Variants in CRYBG1 observed in about 807,000 individuals in gnomAD.
CRYBG1 encodes beta/gamma crystallin domain-containing protein 1.
CRYBG1 carries 139 observed loss-of-function variants against 189.2 expected under a neutral mutation model. That is an observed-to-expected ratio of 0.73 (90% confidence interval 0.64 to 0.85). CRYBG1 has a LOEUF of 0.85. Ranked by LOEUF, CRYBG1 falls within the 40% of genes least tolerant of loss-of-function variation. The probability of loss-of-function intolerance (pLI) is 0.00; values close to 1 mark genes in which losing one functional copy is unlikely to be tolerated. For missense variants in CRYBG1, 2,611 were observed against 2,675.8 expected (o/e 0.98, Z 0.53); for synonymous variants, 1,023 against 1,017.1 (o/e 1.01, Z -0.11).
In CRYBG1 at chr6:106,512,838, A is replaced by G. The variant is rs771704839; in HGVS notation, c.1721A>G (p.Lys574Arg). 6 of 1,581,526 alleles carry G rather than the reference A, an allele frequency of 3.8e-6. No individual in the cohort carries two copies. The highest frequency in any genetic ancestry group is 4.3e-6 in the Non-Finnish European group (5 of 1,163,850). ...GCCATCCCCCGCGAGCTCCCGGTCA[A>G]GAGCAGCTCGCTGCTGCCGGAGATC... The part of the protein sequence containing the change: ...ARAIPRELPV[K>R]SSSLLPEIKP... Residue 574 changes from lysine (K) to arginine (R), a missense_variant, in exon 3 of 22, where the codon AAG (lysine) becomes AGG (arginine). Lys to Arg is a conservative substitution (Grantham distance 26). Coordinates refer to ENST00000633556, the MANE Select transcript of CRYBG1 (RefSeq NM_001371242.2).
chr6:106,454,775 A>G (rs1771851476), intron 2 of CRYBG1: 1 of 152,220 alleles, frequency 6.6e-6, no homozygotes, highest in Non-Finnish European at 1.5e-5. Flanking sequence ...TTGTAACAAC[A>G]TTTCTTAAAG....
rs551730027 is a variant in CRYBG1 at position 106,410,396 on chromosome 6, A to G, written c.174-41298A>G. Among the ~76,000 whole-genome samples, 16 of 152,346 alleles carry G rather than the reference A, an allele frequency of 1.1e-4. No individual in the cohort carries two copies. The East Asian group carries it at 2.1e-3, about 20-fold the overall frequency. ...ACAACAGATGCTGGAGAGGATGTGG[A>G]GAAATAGGAACACTTTTACACAGTT... On this transcript the variant is annotated intron_variant, in intron 1 of 21. Coordinates refer to ENST00000633556, the MANE Select transcript of CRYBG1 (RefSeq NM_001371242.2).
intron 7 of CRYBG1, 29 bp downstream of exon 7, chr6:106,527,499 T>C (rs1414817906): frequency 6.9e-6 from 11 of 1,589,080 alleles, no homozygotes; most frequent in Admixed American, 1.8e-5. Context: ...GGATTTTATT[T>C]ATTCAGCTAA....
chr6:106,462,357 A>T (rs1038364793), intron 2 of CRYBG1, among the ~76,000 whole-genome samples: 1 of 152,060 alleles, frequency 6.6e-6, no homozygotes, highest in African/African-American at 2.4e-5. Flanking sequence ...TTTTTAGTAG[A>T]GACAGGGTTT....
Position 106,520,897 on chromosome 6 carries a change from G to T in CRYBG1, c.3689G>T (p.Gly1230Val), listed in dbSNP as rs1424746353. Residue 1230 changes from glycine to valine, a missense_variant, in exon 4 of 22, where the codon GGT becomes GTT. Transcript: ENST00000633556. ...NDKENRDVTN[G>V]GIKRSRLEKS... ...AAAGAGAACAGGGACGTCACAAATG[G>T]TGGCATTAAGAGATCGAGACTAGAA... The T allele has an allele frequency of 6.2e-7, 1 of 1,614,158 alleles. No homozygotes were observed. Among genetic ancestry groups the T allele is most frequent in the Non-Finnish European group, 8.5e-7 (1 of 1,180,034 alleles).
Position 106,361,157 on chromosome 6 carries a change from C to G in CRYBG1, c.173+76C>G. ...CTCCTGCTGCGCTAGCCCTTGGACT[C>G]CTGACCCCACTTGGAGGAGGGGAAA... On this transcript the variant is annotated intron_variant, in intron 1 of 21. Coordinates refer to ENST00000633556, the MANE Select transcript of CRYBG1 (RefSeq NM_001371242.2). The G allele has an allele frequency of 9.0e-6, 13 of 1,441,250 alleles. No individual in the cohort carries two copies. In the South Asian group the frequency reaches 1.7e-4, roughly 18 times the overall value. 89.3% of individuals were successfully genotyped at this position (1,441,250 alleles called of 1,614,324 possible).
At chr6:106,516,622 GGCCTCT>G (rs1316666233) in intron 3 of CRYBG1, among the ~76,000 whole-genome samples, 3 of 152,150 alleles carry the variant, frequency 2.0e-5, no homozygotes, top group African/African-American at 7.2e-5. Flanking sequence ...TTATCAAAGT[GGCCTCT>G]AAAGTCTATG....
At chr6:106,466,791 C>A (rs917579795) in intron 2 of CRYBG1, among the ~76,000 whole-genome samples, 1 of 152,096 alleles carries the variant, frequency 6.6e-6, no homozygotes, top group African/African-American at 2.4e-5. Context: ...CAGAAAGGAA[C>A]CTTAGGAAGT....
chr6:106,370,320 A>C (rs1562288100), intron 1 of CRYBG1, among the ~76,000 whole-genome samples: 1 of 152,212 alleles, frequency 6.6e-6, no homozygotes, highest in Non-Finnish European at 1.5e-5. Flanking sequence ...CTGCCCTGAC[A>C]CAGGCAGGAG....
chr6:106,431,632 G>A (rs1169108298), intron 1 of CRYBG1, among the ~76,000 whole-genome samples: 1 of 152,156 alleles, frequency 6.6e-6, no homozygotes, highest in Non-Finnish European at 1.5e-5. Flanking sequence ...TCTACCCGTA[G>A]GTGGACAGAC....
At chr6:106,488,608 G>A (rs12664446) in intron 2 of CRYBG1, among the ~76,000 whole-genome samples, 44,733 of 151,930 alleles carry the variant, frequency 0.29, 7,932 homozygotes, top group East Asian at 0.42. Context: ...GCTATACGCA[G>A]CTCTCTCTGG....
rs73520826 is a variant in CRYBG1, at chr6:106,532,189, T to C, written c.4718+1874T>C. ...TAAGATCATTCAGAATCCTCTCTTC[T>C]AGCTATTTTGAAATATAAAATATAT... is the stretch of plus-strand genomic sequence containing the variant. On this transcript the variant is annotated intron_variant, in intron 8 of 21. Coordinates refer to ENST00000633556, the MANE Select transcript of CRYBG1 (RefSeq NM_001371242.2). Among the ~76,000 whole-genome samples, 437 of 152,302 alleles carry C rather than the reference T, an allele frequency of 2.9e-3. 4 individuals are homozygous for C. The highest frequency in any genetic ancestry group is 0.01 in the African/African-American group (426 of 41,552).
chr6:106,512,929 C>T lies in CRYBG1; in HGVS notation c.1812C>T (p.Ser604=). The part of the protein sequence containing the change: ...HFNGRAEGGR[S]RELGRAAGAP... ...ACGGCCGGGCAGAGGGAGGTCGAAG[C>T]AGAGAGCTGGGCAGAGCGGCCGGAG... Residue 604 remains serine, a synonymous_variant, in exon 3 of 22, where the codon AGC becomes AGT. Coordinates refer to ENST00000633556, the MANE Select transcript of CRYBG1 (RefSeq NM_001371242.2). 9 of 1,609,242 alleles carry T rather than the reference C, an allele frequency of 5.6e-6. No homozygotes were observed. Among genetic ancestry groups the T allele is most frequent in the Non-Finnish European group, 6.8e-6 (8 of 1,178,196 alleles).
intron 1 of CRYBG1, among the ~76,000 whole-genome samples, chr6:106,444,757 T>C (rs931305914): frequency 1.2e-4 from 19 of 152,206 alleles, no homozygotes; most frequent in Non-Finnish European, 2.6e-4. Flanking sequence ...GGAGAGATGA[T>C]TTGCATTCCA....
chr6:106,372,262 C>CT (rs372604997), intron 1 of CRYBG1, among the ~76,000 whole-genome samples: 59 of 147,788 alleles, frequency 4.0e-4, no homozygotes, highest in South Asian at 8.5e-4. Flanking sequence ...TTTGTCATTA[C>CT]TTTTTTTTTT....
At chr6:106,429,476 G>A (rs759214333) in intron 1 of CRYBG1, among the ~76,000 whole-genome samples, 4 of 152,188 alleles carry the variant, frequency 2.6e-5, no homozygotes, top group Non-Finnish European at 5.9e-5. Context: ...GCAAAAGGAT[G>A]CCAAATTGCA....
chr6:106,365,047 T>C (rs931976397), intron 1 of CRYBG1, among the ~76,000 whole-genome samples: 3 of 152,236 alleles, frequency 2.0e-5, no homozygotes, highest in South Asian at 4.1e-4. Context: ...TTTTCTGCTA[T>C]ATAATGAAAG....
At chr6:106,466,798 A>T (rs769398523) in intron 2 of CRYBG1, among the ~76,000 whole-genome samples, 2 of 152,202 alleles carry the variant, frequency 1.3e-5, no homozygotes, top group Non-Finnish European at 2.9e-5. Flanking sequence ...GAACCTTAGG[A>T]AGTAGAATTT....
At chr6:106,517,401 T>TAC (rs199917847) in intron 3 of CRYBG1, among the ~76,000 whole-genome samples, 5 of 57,450 alleles carry the variant, frequency 8.7e-5, no homozygotes, top group African/African-American at 1.8e-4. Flanking sequence ...TATATATATA[T>TAC]ACACACACAC....
Sources: allele counts gnomAD v4.1 joint callset (sites outside exome capture counted in the v4.1 genomes callset), GRCh38; gene constraint gnomAD v4.1.1; transcripts MANE v1.5; gene names NCBI Gene and HGNC (gene_info 2026-07-23, HGNC 2026-07-21).